The following CHST11 variants were observed in gnomAD, a reference collection of about 807,000 sequenced individuals.
CHST11 encodes carbohydrate sulfotransferase 11, also known as C4S-1.
In CHST11, 9 loss-of-function variants were observed where a neutral mutation model predicts 30.4. The ratio of observed to expected loss-of-function variants is 0.30; its 90% CI spans 0.18 to 0.52. The LOEUF (loss-of-function observed/expected upper bound fraction) is 0.52, where lower values mean the gene tolerates loss of function less well. Among genes scored for constraint, CHST11 ranks in the 20% least tolerant of loss-of-function variants. The probability of loss-of-function intolerance (pLI) is 0.97; values close to 1 mark genes in which losing one functional copy is unlikely to be tolerated. For missense variants in CHST11, 348 were observed against 460.6 expected, an observed-to-expected ratio of 0.76 and a Z score of 2.24; for synonymous variants, 152 against 187.8, an observed-to-expected ratio of 0.81 and a Z score of 1.56.
chr12:104,621,531 T>C (rs747915247), intron 2 of CHST11, among the ~76,000 whole-genome samples: 1 of 152,202 alleles, frequency 6.6e-6, no homozygotes, highest in Non-Finnish European at 1.5e-5. Flanking sequence ...TCCTGGATTA[T>C]CCGGATGGGT....
intron 2 of CHST11, among the ~76,000 whole-genome samples, chr12:104,649,629 T>C (rs1238786038): frequency 6.6e-6 from 1 of 152,232 alleles, no homozygotes; most frequent in Admixed American, 6.5e-5. Flanking sequence ...CAATGCCTTC[T>C]TCCACAGTGG....
At chr12:104,514,087 G>T (rs763767223) in intron 1 of CHST11, 24 of 1,199,830 alleles carry the variant, frequency 2.0e-5, no homozygotes, top group Middle Eastern at 2.7e-4. Flanking sequence ...GGTACCAGGG[G>T]TCTAATCAGG....
intron 1 of CHST11, among the ~76,000 whole-genome samples, chr12:104,568,165 T>C (rs1459685073): frequency 2.0e-5 from 3 of 152,200 alleles, no homozygotes; most frequent in Non-Finnish European, 4.4e-5. Flanking sequence ...TCAGGGCTGC[T>C]GTTTAGGGCC....
intron 2 of CHST11, among the ~76,000 whole-genome samples, chr12:104,755,742 C>T (rs758451118): frequency 5.9e-5 from 9 of 151,876 alleles, no homozygotes; most frequent in Non-Finnish European, 1.0e-4. Context: ...GCTGAGATCG[C>T]GCCACTGCAT....
At chr12:104,670,637 G>T (rs79488812) in intron 2 of CHST11, among the ~76,000 whole-genome samples, 1 of 144,322 alleles carries the variant, frequency 6.9e-6, no homozygotes, top group African/African-American at 2.6e-5. Flanking sequence ...TCACACTCAT[G>T]CACACTCTCC....
chr12:104,466,525 C>G (rs2037461191), intron 1 of CHST11, among the ~76,000 whole-genome samples: 1 of 152,212 alleles, frequency 6.6e-6, no homozygotes, highest in Non-Finnish European at 1.5e-5. Flanking sequence ...GATGGCCTCT[C>G]TGCCCCACAT....
In CHST11 at chr12:104,759,024, A is replaced by G. The variant is rs1409002047; in HGVS notation, c.*1221A>G. The stretch of plus-strand genomic sequence containing the variant: ...TCAAGTGCCTCCTACTGTCATCTCC[A>G]TTCAGCCTAGCACCACATCCCCATG... On this transcript the variant is annotated 3_prime_UTR_variant, in exon 3 of 3. Transcript: ENST00000303694. 1 of 152,230 alleles carries G rather than the reference A, an allele frequency of 6.6e-6. No individual in the cohort carries two copies. Among genetic ancestry groups the G allele is most frequent in the Non-Finnish European group, 1.5e-5 (1 of 68,050 alleles). 9.4% of individuals were successfully genotyped at this position (152,230 alleles called of 1,614,324 possible).
In CHST11 at chr12:104,458,706, C is replaced by G. The variant is rs2037380292; in HGVS notation, c.118+1177C>G. Among the ~76,000 whole-genome samples the G allele has an allele frequency of 6.6e-6, 1 of 152,264 alleles. No homozygotes were observed. The highest frequency in any genetic ancestry group is 2.1e-4 in the South Asian group (1 of 4,838). On this transcript the variant is annotated intron_variant, in intron 1 of 2. Coordinates refer to ENST00000303694, the MANE Select transcript of CHST11 (RefSeq NM_018413.6). The surrounding 1 kb of genome is among the most constrained non-coding windows in gnomAD (Gnocchi z 5.7). The stretch of plus-strand genomic sequence containing the variant: ...ATCCATTTTCTACGCCTCCGAGTTG[C>G]CTTTCTCAGCGTAGTCACAGCAATA...
chr12:104,685,332 T>C (rs2039836668), intron 2 of CHST11, among the ~76,000 whole-genome samples: 1 of 152,230 alleles, frequency 6.6e-6, no homozygotes, highest in Non-Finnish European at 1.5e-5. Flanking sequence ...TATAAGCAAA[T>C]TAGGTTGTTT....
At chr12:104,738,194 CG>C (rs1157100044) in intron 2 of CHST11, among the ~76,000 whole-genome samples, 1 of 152,070 alleles carries the variant, frequency 6.6e-6, no homozygotes, top group Non-Finnish European at 1.5e-5. Flanking sequence ...TTCAGCAGAC[CG>C]GCCTGCCCTG....
chr12:104,555,634 T>A (rs1004632781), intron 1 of CHST11, among the ~76,000 whole-genome samples: 3 of 152,246 alleles, frequency 2.0e-5, no homozygotes, highest in African/African-American at 7.2e-5. Flanking sequence ...CACCCTGAAC[T>A]CAGGGGTCCA....
intron 2 of CHST11, among the ~76,000 whole-genome samples, chr12:104,662,347 G>A (rs947569400): frequency 1.3e-5 from 2 of 152,178 alleles, no homozygotes; most frequent in African/African-American, 2.4e-5. Context: ...ACCTCGTGGG[G>A]TGGTTGTGAG....
intron 1 of CHST11, among the ~76,000 whole-genome samples, chr12:104,474,765 A>G (rs2037541894): frequency 6.6e-6 from 1 of 152,222 alleles, no homozygotes; most frequent in Admixed American, 6.5e-5. Flanking sequence ...GTGGGGCATC[A>G]GGGATCTTGG....
intron 2 of CHST11, among the ~76,000 whole-genome samples, chr12:104,692,467 T>G (rs2039905130): frequency 6.6e-6 from 1 of 152,224 alleles, no homozygotes; most frequent in Non-Finnish European, 1.5e-5. Context: ...CTTACAAACC[T>G]CTGAGGGAAA....
At chr12:104,466,799 C>T (rs111491254) in intron 1 of CHST11, among the ~76,000 whole-genome samples, 140 of 152,342 alleles carry the variant, frequency 9.2e-4, no homozygotes, top group African/African-American at 3.2e-3. Context: ...CCATTATCTA[C>T]ATATCTAGGA....
intron 1 of CHST11, among the ~76,000 whole-genome samples, chr12:104,529,806 A>G (rs1230141402): frequency 6.6e-6 from 1 of 152,194 alleles, no homozygotes; most frequent in Non-Finnish European, 1.5e-5. Flanking sequence ...TCATGTGATC[A>G]CATTATTCAC....
intron 1 of CHST11, among the ~76,000 whole-genome samples, chr12:104,556,994 A>T: frequency 6.6e-6 from 1 of 152,050 alleles, no homozygotes; most frequent in South Asian, 2.1e-4. Flanking sequence ...AAAAAAAAAA[A>T]AAAAAGATTT....
intron 2 of CHST11, among the ~76,000 whole-genome samples, chr12:104,619,271 G>A (rs779127486): frequency 3.9e-5 from 6 of 152,250 alleles, no homozygotes; most frequent in Non-Finnish European, 8.8e-5. Context: ...GAGTCAGACA[G>A]AGCATCCCTG....
chr12:104,504,342 G>GAA (rs1231283266), intron 1 of CHST11, among the ~76,000 whole-genome samples: 5 of 152,216 alleles, frequency 3.3e-5, no homozygotes, highest in Admixed American at 6.5e-5. Context: ...CACCGGGGTG[G>GAA]ACTCAGGCGC....
Sources: gnomAD v4.1 joint callset for allele counts (sites outside exome capture counted in the v4.1 genomes callset) on GRCh38, gnomAD v4.1.1 for gene constraint, Gnocchi (gnomAD v3.1) non-coding constraint, MANE v1.5 for transcripts, NCBI Gene and HGNC (gene_info 2026-07-23, HGNC 2026-07-21) for gene names.